BABAM2: variants seen among roughly 807,000 people sequenced by gnomAD.
BABAM2 encodes the protein BRISC and BRCA1 A complex member 2, also known as BRISC and BRCA1-A complex member 2.
Under a neutral mutation model 54.7 loss-of-function variants are expected in BABAM2, and 31 were observed. The ratio of observed to expected loss-of-function variants is 0.57; its 90% CI spans 0.43 to 0.77. The LOEUF (loss-of-function observed/expected upper bound fraction) is 0.77. Among genes scored for constraint, BABAM2 ranks in the 30% least tolerant of loss-of-function variants. BABAM2 has a pLI of 0.00. For synonymous variants in BABAM2, 167 were observed against 162.9 expected (o/e 1.03, Z -0.19); for missense variants, 364 against 455.8 (o/e 0.80, Z 1.83).
chr2:28,238,313 C>T (rs950352128), intron 8 of BABAM2, among the ~76,000 whole-genome samples: 3 of 152,198 alleles, frequency 2.0e-5, no homozygotes, highest in Non-Finnish European at 4.4e-5. Context: ...TAGCTGAAAA[C>T]TAGTGATACT....
chr2:28,311,860 C>T (rs543002075), intron 11 of BABAM2, among the ~76,000 whole-genome samples: 49 of 152,300 alleles, frequency 3.2e-4, no homozygotes, highest in African/African-American at 1.0e-3. Flanking sequence ...ACACCGTGTA[C>T]GTGATGCCTT....
At chr2:27,940,782 G>A (rs1279317579) in intron 3 of BABAM2, among the ~76,000 whole-genome samples, 2 of 152,094 alleles carry the variant, frequency 1.3e-5, no homozygotes, top group African/African-American at 4.8e-5. Flanking sequence ...GATGCCCAAG[G>A]GCAGAAAGGA....
chr2:28,204,660 C>G (rs1396536876), intron 7 of BABAM2, among the ~76,000 whole-genome samples: 2 of 152,038 alleles, frequency 1.3e-5, no homozygotes, highest in Non-Finnish European at 2.9e-5. Flanking sequence ...TCTTGTGTTA[C>G]CATATAATAG....
At chr2:28,278,593 C>T (rs1686070642) in intron 10 of BABAM2, among the ~76,000 whole-genome samples, 1 of 152,122 alleles carries the variant, frequency 6.6e-6, no homozygotes, top group African/African-American at 2.4e-5. Context: ...ATGTGATAAG[C>T]AGATGGAGAT....
chr2:28,039,536 G>A (rs1270206573), intron 5 of BABAM2, among the ~76,000 whole-genome samples: 2 of 152,202 alleles, frequency 1.3e-5, no homozygotes, highest in Non-Finnish European at 2.9e-5. Flanking sequence ...AATCACTTGA[G>A]TGTTTCTTAG....
intron 3 of BABAM2, among the ~76,000 whole-genome samples, chr2:27,961,263 G>A (rs184419049): frequency 6.6e-6 from 1 of 152,244 alleles, no homozygotes; most frequent in East Asian, 1.9e-4. Context: ...CAGACGGTCC[G>A]ATCCTCAAAC....
At chr2:28,083,913 GC>G (rs576990917) in intron 6 of BABAM2, among the ~76,000 whole-genome samples, 1 of 152,128 alleles carries the variant, frequency 6.6e-6, no homozygotes, top group Non-Finnish European at 1.5e-5. Context: ...AAAACACATA[GC>G]CCCCCTTCCC....
chr2:28,114,294 C>T (rs1668400000), intron 6 of BABAM2, among the ~76,000 whole-genome samples: 1 of 152,162 alleles, frequency 6.6e-6, no homozygotes, highest in African/African-American at 2.4e-5. Context: ...CCCCAAAACT[C>T]CTTAAGCTGA....
intron 7 of BABAM2, among the ~76,000 whole-genome samples, chr2:28,192,517 C>CTTTTTT (rs58587872): frequency 8.3e-6 from 1 of 120,588 alleles, no homozygotes; most frequent in African/African-American, 3.1e-5. Flanking sequence ...GTTTATAGCT[C>CTTTTTT]TTTTTTTTTT....
At chr2:28,168,018 AT>A (rs1673901943) in intron 7 of BABAM2, among the ~76,000 whole-genome samples, 2 of 152,136 alleles carry the variant, frequency 1.3e-5, no homozygotes, top group South Asian at 4.1e-4. Flanking sequence ...GCCAAGTTCT[AT>A]TTATCTGAAT....
At chr2:28,278,830 T>A (rs1028084596) in intron 10 of BABAM2, among the ~76,000 whole-genome samples, 7 of 152,114 alleles carry the variant, frequency 4.6e-5, no homozygotes, top group African/African-American at 1.7e-4. Context: ...GAGGACCGGA[T>A]CTGGGGAGGT....
At chr2:28,054,593 G>A (rs1678250854) in intron 6 of BABAM2, among the ~76,000 whole-genome samples, 1 of 152,178 alleles carries the variant, frequency 6.6e-6, no homozygotes, top group South Asian at 2.1e-4. Flanking sequence ...TATGAAAGAA[G>A]CCCTAGAGGG....
At chr2:28,044,729 C>T (rs1240442853) in intron 5 of BABAM2, among the ~76,000 whole-genome samples, 1 of 152,168 alleles carries the variant, frequency 6.6e-6, no homozygotes, top group Non-Finnish European at 1.5e-5. Context: ...AGCGGGAACT[C>T]TTTGGTAGTT....
intron 7 of BABAM2, among the ~76,000 whole-genome samples, chr2:28,236,953 T>C (rs1212651222): frequency 6.6e-6 from 1 of 152,218 alleles, no homozygotes; most frequent in Non-Finnish European, 1.5e-5. Context: ...CATTTACCCA[T>C]GCCAATCAAA....
rs764119557 is a variant in BABAM2 at position 28,325,672 on chromosome 2, G to A, written c.1089-12778G>A. 2.0e-5 allele frequency among the ~76,000 whole-genome samples: 3 copies of A among 152,176 alleles called. No individual in the cohort carries two copies. Among genetic ancestry groups the A allele is most frequent in the Non-Finnish European group, 4.4e-5 (3 of 68,036 alleles). On this transcript the variant is annotated intron_variant, in intron 11 of 11. Transcript: ENST00000379624. The surrounding 1 kb of genome is among the most constrained non-coding windows in gnomAD (Gnocchi z 4.3). Reference sequence around the variant, plus strand: ...TGATTTCAGCTGTCAGGGGGATAAGGGTGAAGAGAGGAGGGACCATGGCCA... The same window carrying A: ...TGATTTCAGCTGTCAGGGGGATAAGAGTGAAGAGAGGAGGGACCATGGCCA...
chr2:27,890,453 C>A (rs1664722596), upstream of BABAM2: 3 of 1,103,698 alleles, frequency 2.7e-6, no homozygotes, highest in Non-Finnish European at 3.9e-6. The surrounding 1 kb of genome is among the most constrained non-coding windows in gnomAD (Gnocchi z 4.8). Flanking sequence ...GCCTTTCAGA[C>A]GCCTACGCGG....
chr2:28,194,575 C>CTTTTTT (rs10684650), intron 7 of BABAM2, among the ~76,000 whole-genome samples: 12 of 99,188 alleles, frequency 1.2e-4, no homozygotes, highest in Non-Finnish European at 1.5e-4. Flanking sequence ...ACAACGTAGA[C>CTTTTTT]TTTTTTTTTT....
upstream of BABAM2, chr2:27,890,425 C>T (rs1664721109): frequency 7.2e-6 from 10 of 1,381,608 alleles, no homozygotes; most frequent in Non-Finnish European, 9.9e-6. The surrounding 1 kb of genome is among the most constrained non-coding windows in gnomAD (Gnocchi z 4.8). Context: ...GCCACTCCTG[C>T]CCTCCCTAAC....
chr2:28,233,161 C>G (rs545864303), intron 7 of BABAM2: 12 of 470,818 alleles, frequency 2.5e-5, no homozygotes, highest in South Asian at 1.7e-4. Context: ...TGAGCCCTTG[C>G]CACACGGATT....
Sources: allele counts gnomAD v4.1 joint callset (sites outside exome capture counted in the v4.1 genomes callset), GRCh38; gene constraint gnomAD v4.1.1; non-coding constraint Gnocchi (gnomAD v3.1); transcripts MANE v1.5; gene names NCBI Gene and HGNC (gene_info 2026-07-23, HGNC 2026-07-21).